Variants in GRM7 observed in about 807,000 individuals in gnomAD.
GRM7 encodes the protein metabotropic glutamate receptor 7.
A neutral mutation model predicts 84.5 loss-of-function variants in GRM7; 35 were observed. The ratio of observed to expected loss-of-function variants is 0.41; its 90% CI spans 0.32 to 0.55. The LOEUF is 0.55. Ranked by LOEUF, GRM7 falls within the 20% of genes least tolerant of loss-of-function variation. The probability of loss-of-function intolerance (pLI) is 0.19; values close to 1 mark genes in which losing one functional copy is unlikely to be tolerated. For missense variants in GRM7, 1,003 were observed against 1,194.6 expected (o/e 0.84, Z 2.36); for synonymous variants, 487 against 455.1 (o/e 1.07, Z -0.89).
At chr3:7,366,457 T>TC (rs1173582138) in intron 4 of GRM7, among the ~76,000 whole-genome samples, 3 of 151,934 alleles carry the variant, frequency 2.0e-5, no homozygotes, top group African/African-American at 7.2e-5. Context: ...AGAGGTCCTC[T>TC]CAATGTCTTT....
intron 1 of GRM7, among the ~76,000 whole-genome samples, chr3:6,907,739 A>G (rs765325172): frequency 6.6e-6 from 1 of 152,304 alleles, no homozygotes; most frequent in African/African-American, 2.4e-5. Flanking sequence ...CTGAGAGATA[A>G]GTTCTTTTAG....
intron 1 of GRM7, among the ~76,000 whole-genome samples, chr3:7,023,718 TCA>T (rs1695865830): frequency 6.6e-6 from 1 of 152,284 alleles, no homozygotes; most frequent in South Asian, 2.1e-4. Flanking sequence ...CTGCCTGTCA[TCA>T]CACAGTGTTC....
chr3:7,286,048 C>G (rs1174588236), intron 2 of GRM7, among the ~76,000 whole-genome samples: 1 of 152,112 alleles, frequency 6.6e-6, no homozygotes, highest in African/African-American at 2.4e-5. Flanking sequence ...TAGGTAGCAA[C>G]CCAGCTATGA....
intron 1 of GRM7, among the ~76,000 whole-genome samples, chr3:6,970,120 A>T (rs1575080828): frequency 6.6e-6 from 1 of 152,340 alleles, no homozygotes; most frequent in South Asian, 2.1e-4. Context: ...CTTCCAAAAA[A>T]GAAGTTTACT....
intron 7 of GRM7, among the ~76,000 whole-genome samples, chr3:7,501,170 C>G (rs576587041): frequency 6.6e-6 from 1 of 152,152 alleles, no homozygotes; most frequent in Non-Finnish European, 1.5e-5. Flanking sequence ...ATTACTTCTT[C>G]TGATTCTAAA....
chr3:7,265,853 G>A (rs1698615798), intron 2 of GRM7, among the ~76,000 whole-genome samples: 1 of 152,192 alleles, frequency 6.6e-6, no homozygotes, highest in South Asian at 2.1e-4. Flanking sequence ...GCCCTGCTGA[G>A]GAAATGCACA....
intron 8 of GRM7, among the ~76,000 whole-genome samples, chr3:7,662,856 A>G (rs1369713048): frequency 6.6e-6 from 1 of 152,218 alleles, no homozygotes. Flanking sequence ...ATATGCTTAC[A>G]TGTATCTAGG....
intron 1 of GRM7, among the ~76,000 whole-genome samples, chr3:7,041,093 A>G (rs532773640): frequency 2.4e-4 from 36 of 152,160 alleles, no homozygotes; most frequent in African/African-American, 8.7e-4. Flanking sequence ...AAAAAAAAAA[A>G]AAAAAAATTA....
intron 4 of GRM7, among the ~76,000 whole-genome samples, chr3:7,411,054 C>T (rs1188495247): frequency 2.6e-5 from 4 of 152,056 alleles, no homozygotes; most frequent in African/African-American, 9.7e-5. Flanking sequence ...TGCAATACCC[C>T]ATCTGTGTTC....
chr3:7,593,857 G>T (rs1224738442), intron 8 of GRM7, among the ~76,000 whole-genome samples: 1 of 152,030 alleles, frequency 6.6e-6, no homozygotes, highest in Non-Finnish European at 1.5e-5. Flanking sequence ...GCAAGAGTAG[G>T]GTCAGGGAGG....
At chr3:7,407,630 T>C (rs747443079) in intron 4 of GRM7, among the ~76,000 whole-genome samples, 4 of 152,228 alleles carry the variant, frequency 2.6e-5, no homozygotes, top group Non-Finnish European at 5.9e-5. Context: ...TAGGTGCCGC[T>C]TTAAGTCGCA....
At chr3:7,524,455 G>T (rs1191290744) in intron 7 of GRM7, among the ~76,000 whole-genome samples, 2 of 87,898 alleles carry the variant, frequency 2.3e-5, no homozygotes, top group African/African-American at 7.1e-5. Flanking sequence ...GTGGGCAAAG[G>T]ACATGAACAG....
At chr3:6,865,782 T>C (rs2124932001) in intron 1 of GRM7, among the ~76,000 whole-genome samples, 1 of 152,276 alleles carries the variant, frequency 6.6e-6, no homozygotes, top group Admixed American at 6.5e-5. Flanking sequence ...CTCTCCATCG[T>C]AATCCGATAG....
intron 1 of GRM7, among the ~76,000 whole-genome samples, chr3:6,942,255 G>T (rs377018869): frequency 5.3e-5 from 8 of 151,928 alleles, no homozygotes; most frequent in African/African-American, 1.9e-4. Flanking sequence ...AGGATTAAAA[G>T]ATATAATATA....
At chr3:7,348,996 A>C (rs948981187) in intron 4 of GRM7, among the ~76,000 whole-genome samples, 1 of 152,160 alleles carries the variant, frequency 6.6e-6, no homozygotes, top group African/African-American at 2.4e-5. Context: ...CCATGCCTTC[A>C]TGCAACGGAG....
intron 1 of GRM7, among the ~76,000 whole-genome samples, chr3:6,957,460 A>G (rs943406253): frequency 1.3e-5 from 2 of 152,210 alleles, no homozygotes; most frequent in Admixed American, 6.5e-5. Flanking sequence ...CACTCTCAAC[A>G]CTGACACAAA....
chr3:7,148,571 A>C (rs903199095), intron 2 of GRM7, among the ~76,000 whole-genome samples: 13 of 151,206 alleles, frequency 8.6e-5, no homozygotes, highest in African/African-American at 3.0e-4. Context: ...GGTCTTTATA[A>C]AAAACTATAT....
At chr3:7,532,025 A>AT (rs1559384358) in intron 7 of GRM7, among the ~76,000 whole-genome samples, 2 of 152,042 alleles carry the variant, frequency 1.3e-5, no homozygotes, top group African/African-American at 4.8e-5. Context: ...GTTTGCTAGT[A>AT]TTTTTTTGAG....
intron 5 of GRM7, among the ~76,000 whole-genome samples, chr3:7,433,497 C>T (rs1372036990): frequency 6.6e-6 from 1 of 152,070 alleles, no homozygotes; most frequent in Admixed American, 6.6e-5. Context: ...TTTGTTAGGC[C>T]AGGTAGAAGG....
Sources: gnomAD v4.1 joint callset for allele counts (sites outside exome capture counted in the v4.1 genomes callset) on GRCh38, gnomAD v4.1.1 for gene constraint, MANE v1.5 for transcripts, NCBI Gene and HGNC (gene_info 2026-07-23, HGNC 2026-07-21) for gene names.